RNGTT: variants seen among roughly 807,000 people sequenced by gnomAD.
RNGTT encodes RNA guanylyltransferase and 5'-phosphatase.
Under a neutral mutation model 79.3 loss-of-function variants are expected in RNGTT, and 33 were observed. The ratio of observed to expected loss-of-function variants is 0.42; its 90% CI spans 0.32 to 0.56. The LOEUF is 0.56. Among genes scored for constraint, RNGTT ranks in the 20% least tolerant of loss-of-function variants. The probability of loss-of-function intolerance (pLI) is 0.17; values close to 1 mark genes in which losing one functional copy is unlikely to be tolerated. For synonymous variants in RNGTT, 222 were observed against 235.9 expected (o/e 0.94, Z 0.54); for missense variants, 497 against 739.1 (o/e 0.67, Z 3.80).
intron 13 of RNGTT, among the ~76,000 whole-genome samples, chr6:88,749,678 A>T (rs1488628941): frequency 6.6e-6 from 1 of 152,154 alleles, no homozygotes; most frequent in Non-Finnish European, 1.5e-5. Context: ...TTCACAAGAG[A>T]TCTAAATATA....
Position 88,890,524 on chromosome 6 carries a change from G to C in RNGTT, c.867C>G (p.Tyr289Ter). Reference protein sequence around the residue: ...QNIKLLDLKPYKVSWKADGTR... With the variant: ...QNIKLLDLKP ...TACCATCTGCTTTCCAGCTTACTTT[G>C]TATGGCTTCAGGTCTAAAAGTTTAA... The change falls in exon 8 of 16, where the codon TAC becomes TAG. Residue 289 changes from tyrosine to a stop codon, truncating the protein, a stop_gained. Transcript: ENST00000369485. LOFTEE classifies it high-confidence loss of function. 1 of 1,613,180 alleles carries C rather than the reference G, an allele frequency of 6.2e-7. No homozygotes were observed. The highest frequency in any genetic ancestry group is 8.5e-7 in the Non-Finnish European group (1 of 1,179,460).
At chr6:88,944,119 A>C (rs977136622) in intron 1 of RNGTT, among the ~76,000 whole-genome samples, 34 of 151,598 alleles carry the variant, frequency 2.2e-4, no homozygotes, top group African/African-American at 8.3e-4. Flanking sequence ...CTTCACTGAA[A>C]AGAAAAAAAC....
chr6:88,940,774 C>T (rs1336821206), intron 2 of RNGTT, among the ~76,000 whole-genome samples: 1 of 151,966 alleles, frequency 6.6e-6, no homozygotes, highest in Non-Finnish European at 1.5e-5. Context: ...TGAGATCAAA[C>T]TGTACTGAAC....
At chr6:88,765,769 T>C (rs1019168879) in intron 13 of RNGTT, among the ~76,000 whole-genome samples, 1 of 152,166 alleles carries the variant, frequency 6.6e-6, no homozygotes, top group African/African-American at 2.4e-5. Flanking sequence ...CCAGTATATA[T>C]ACTGTCAAGG....
chr6:88,922,965 T>A (rs545085862), intron 4 of RNGTT, among the ~76,000 whole-genome samples: 170 of 152,330 alleles, frequency 1.1e-3, no homozygotes, highest in African/African-American at 3.9e-3. Context: ...TCTGATTGCA[T>A]CCTCATGGTT....
Position 88,803,576 on chromosome 6 carries a change from C to CAA in RNGTT, c.1270-1946_1270-1945dup, listed in dbSNP as rs146140117. Among the ~76,000 whole-genome samples the CAA allele has an allele frequency of 5.3e-3, 294 of 55,952 alleles. 5 individuals are homozygous for CAA. Among genetic ancestry groups the CAA allele is most frequent in the African/African-American group, 0.017 (233 of 13,542 alleles). The allele number at this position is 55,952 out of a possible 152,430, so 36.7% of individuals were successfully genotyped here. ...TGGGCAACAGAGTGAGACTCCATCT[C>CAA]AAAAAAAAAAAAAAAAAAAAACTAA... On this transcript the variant is annotated intron_variant, in intron 11 of 15. Coordinates refer to ENST00000369485, the MANE Select transcript of RNGTT (RefSeq NM_003800.5).
At chr6:88,663,771 TG>T (rs1774278733) in intron 14 of RNGTT, among the ~76,000 whole-genome samples, 1 of 152,102 alleles carries the variant, frequency 6.6e-6, no homozygotes, top group Non-Finnish European at 1.5e-5. Flanking sequence ...AACCTAAAAC[TG>T]GGACACAAAT....
intron 13 of RNGTT, among the ~76,000 whole-genome samples, chr6:88,758,143 G>A (rs1053756435): frequency 1.3e-5 from 2 of 152,048 alleles, no homozygotes; most frequent in African/African-American, 4.8e-5. Context: ...CATTTTAAAA[G>A]GTCAATGCTC....
chr6:88,941,542 A>ATATGCCCTATATGGTTTTTATTAT (rs1784847564), intron 1 of RNGTT, among the ~76,000 whole-genome samples: 1 of 152,212 alleles, frequency 6.6e-6, no homozygotes, highest in Non-Finnish European at 1.5e-5. Flanking sequence ...TGCTGGAATT[A>ATATGCCCTATATGGTTTTTATTAT]CAGGCGTGAG....
At chr6:88,808,744 T>C (rs1482407217) in intron 11 of RNGTT, among the ~76,000 whole-genome samples, 2 of 152,088 alleles carry the variant, frequency 1.3e-5, no homozygotes. Flanking sequence ...ACCCCATCTC[T>C]ACAAAAAATA....
intron 11 of RNGTT, among the ~76,000 whole-genome samples, chr6:88,826,824 G>GTA (rs372174983): frequency 0.035 from 4,553 of 129,110 alleles, 245 homozygotes; most frequent in African/African-American, 0.11. Flanking sequence ...ATATGTGTGT[G>GTA]TATATATATA....
intron 14 of RNGTT, among the ~76,000 whole-genome samples, chr6:88,660,166 C>A (rs1345382374): frequency 2.6e-5 from 4 of 152,142 alleles, no homozygotes; most frequent in African/African-American, 9.6e-5. Context: ...AATCTTAAAA[C>A]CTCGAAATGC....
At position 88,853,892 on chromosome 6, in the gene RNGTT, T is replaced by A. The variant is rs1421404370; in HGVS notation, c.897-128A>T. On this transcript the variant is annotated intron_variant, in intron 8 of 15. Transcript: ENST00000369485. The stretch of plus-strand genomic sequence containing the variant: ...ACTAATGTTCACTGGAGTCTCTTTA[T>A]CATGTAGATTAAAGTATCACAAATA... 2.6e-5 allele frequency: 13 copies of A among 505,910 alleles called. No individual in the cohort carries two copies. In the Middle Eastern group the frequency reaches 1.5e-3, roughly 58 times the overall value. 31.3% of individuals were successfully genotyped at this position (505,910 alleles called of 1,614,324 possible). A position where few individuals can be genotyped will look rare whatever the true frequency, so the allele number is the denominator to read the frequency against.
chr6:88,702,487 T>C (rs1046985429), intron 13 of RNGTT, among the ~76,000 whole-genome samples: 6 of 152,184 alleles, frequency 3.9e-5, no homozygotes, highest in African/African-American at 1.4e-4. Flanking sequence ...TATATTGTCC[T>C]GGGATAGCTG....
intron 12 of RNGTT, among the ~76,000 whole-genome samples, chr6:88,782,386 C>T (rs533369208): frequency 2.0e-5 from 3 of 151,926 alleles, no homozygotes; most frequent in African/African-American, 7.3e-5. Flanking sequence ...AGGTGCACAC[C>T]ATACACAAAA....
rs75891494 is a variant in RNGTT, at chr6:88,747,996, T to C, written c.1439+21778A>G. Reference sequence around the variant, plus strand: ...AAACGCAATTTTAGTTTAACTAAACTAACACAGTAAAGAAAATCACTACAC... The same window carrying C: ...AAACGCAATTTTAGTTTAACTAAACCAACACAGTAAAGAAAATCACTACAC... On this transcript the variant is annotated intron_variant, in intron 13 of 15. Coordinates refer to ENST00000369485, the MANE Select transcript of RNGTT (RefSeq NM_003800.5). Among the ~76,000 whole-genome samples the C allele has an allele frequency of 2.4e-3, 371 of 152,264 alleles. 9 individuals are homozygous for C. The East Asian group carries it at 0.053, about 22-fold the overall frequency.
chr6:88,770,746 G>C (rs1778627453), intron 12 of RNGTT, among the ~76,000 whole-genome samples: 1 of 152,186 alleles, frequency 6.6e-6, no homozygotes, highest in Non-Finnish European at 1.5e-5. Flanking sequence ...AAATGAATGA[G>C]AAGTCCATTT....
chr6:88,807,555 G>A (rs1262925543), intron 11 of RNGTT, among the ~76,000 whole-genome samples: 1 of 152,138 alleles, frequency 6.6e-6, no homozygotes, highest in African/African-American at 2.4e-5. Flanking sequence ...AAGAAACAGT[G>A]CTGAGAATCA....
intron 4 of RNGTT, among the ~76,000 whole-genome samples, chr6:88,911,189 G>T (rs1783821210): frequency 6.6e-6 from 1 of 152,042 alleles, no homozygotes; most frequent in Non-Finnish European, 1.5e-5. Context: ...AGGGTGGCAA[G>T]TTGAATTTAA....
Sources: gnomAD v4.1 joint callset for allele counts (sites outside exome capture counted in the v4.1 genomes callset) on GRCh38, gnomAD v4.1.1 for gene constraint, MANE v1.5 for transcripts, NCBI Gene and HGNC (gene_info 2026-07-23, HGNC 2026-07-21) for gene names.